The following FLNB variants were observed in gnomAD, a reference collection of about 807,000 sequenced individuals.
FLNB encodes the protein filamin-B.
Under a neutral mutation model 250.6 loss-of-function variants are expected in FLNB, and 111 were observed. That is an observed-to-expected ratio of 0.44 (90% CI 0.38 to 0.52). The LOEUF is 0.52. FLNB is among the 20% of genes least tolerant of loss of function. FLNB has a pLI of 0.00. For synonymous variants in FLNB, 1,302 were observed against 1,372.1 expected (o/e 0.95, Z 1.13); for missense variants, 2,869 against 3,447.8 (o/e 0.83, Z 4.20).
intron 4 of FLNB, among the ~76,000 whole-genome samples, chr3:58,091,368 G>C (rs1329949390): frequency 6.6e-6 from 1 of 152,160 alleles, no homozygotes; most frequent in East Asian, 1.9e-4. Flanking sequence ...CAGTGAAACA[G>C]AATTGCAGCC....
chr3:58,135,766 A>G (rs2097314847), intron 27 of FLNB, among the ~76,000 whole-genome samples: 2 of 152,194 alleles, frequency 1.3e-5, no homozygotes, highest in African/African-American at 4.8e-5. Context: ...TGACAACAAA[A>G]TTACTAAAAA....
intron 2 of FLNB, chr3:58,078,147 G>A (rs2097204294): frequency 2.0e-6 from 1 of 507,454 alleles, no homozygotes; most frequent in Non-Finnish European, 2.5e-6. Flanking sequence ...GTGTCATCCA[G>A]GAAAAATTCA....
chr3:58,106,142 G>T (rs2097259137), intron 11 of FLNB, among the ~76,000 whole-genome samples: 1 of 152,020 alleles, frequency 6.6e-6, no homozygotes. Context: ...AGGCTCTTCA[G>T]TTATTTCCAG....
chr3:58,062,993 G>C (rs1299505693), intron 1 of FLNB, among the ~76,000 whole-genome samples: 4 of 152,200 alleles, frequency 2.6e-5, no homozygotes, highest in Admixed American at 2.6e-4. Flanking sequence ...AGTGCTGCTT[G>C]CTTGCTTTAC....
In FLNB at chr3:58,163,314, C is replaced by T. The variant is rs113513946; in HGVS notation, c.7182C>T (p.Leu2394=). 2.0e-5 allele frequency: 33 copies of T among 1,614,144 alleles called. No homozygotes were observed. In the South Asian group the frequency reaches 2.9e-4, roughly 14 times the overall value. ...PALVSAYGTG[L]EGGTTGIQSE... ...TGGTGTCCGCCTATGGCACGGGACTCGAAGGGGGCACCACAGGTAACCCAC... is the reference window on the plus strand; with the variant it reads ...TGGTGTCCGCCTATGGCACGGGACTTGAAGGGGGCACCACAGGTAACCCAC... The change falls in exon 43 of 46, where the codon CTC becomes CTT. Residue 2394 remains leucine, a synonymous_variant. Coordinates refer to ENST00000295956, the MANE Select transcript of FLNB (RefSeq NM_001457.4).
intron 4 of FLNB, among the ~76,000 whole-genome samples, chr3:58,088,863 G>A (rs959117892): frequency 5.9e-5 from 9 of 152,176 alleles, no homozygotes; most frequent in South Asian, 2.1e-4. Context: ...CCATGGAGGA[G>A]CAGTAATGAG....
chr3:58,084,325 A>T lies in FLNB; in HGVS notation c.787+2549A>T, dbSNP rs550695020. ...AAACAACCAATTAAATCCTTTGTCA[A>T]CCAGATTGGTCAAATGGACTGAATC... On this transcript the variant is annotated intron_variant, in intron 4 of 45. Coordinates refer to ENST00000295956, the MANE Select transcript of FLNB (RefSeq NM_001457.4). Among the ~76,000 whole-genome samples the T allele has an allele frequency of 6.0e-4, 92 of 152,366 alleles. 1 individual carries two copies. The highest frequency in any genetic ancestry group is 2.2e-3 in the African/African-American group (91 of 41,580).
intron 32 of FLNB, among the ~76,000 whole-genome samples, chr3:58,144,660 A>G (rs1348380719): frequency 6.6e-6 from 1 of 152,186 alleles, no homozygotes; most frequent in East Asian, 1.9e-4. Flanking sequence ...GGCATCTATG[A>G]TTTTGACAGA....
intron 2 of FLNB, 98 bp from the exon 3 acceptor site, chr3:58,078,619 T>A (rs2097204804): frequency 1.3e-6 from 2 of 1,515,642 alleles, no homozygotes; most frequent in Non-Finnish European, 1.8e-6. Context: ...AATCATTCTC[T>A]GAACTAAAAG....
intron 41 of FLNB, 46 bp downstream of exon 41, chr3:58,156,121 T>C (rs1220910923): frequency 7.0e-7 from 1 of 1,426,108 alleles, no homozygotes; most frequent in South Asian, 1.1e-5. Flanking sequence ...AGGCCACCAG[T>C]GAGACCCCTG....
intron 3 of FLNB, among the ~76,000 whole-genome samples, chr3:58,081,247 A>G (rs1014484372): frequency 2.0e-5 from 3 of 152,166 alleles, no homozygotes; most frequent in Non-Finnish European, 4.4e-5. Context: ...TAACCTGTGC[A>G]CTTTTTTGTA....
Position 58,109,585 on chromosome 3 carries a change from G to T in FLNB, c.2209G>T (p.Gly737Trp), listed in dbSNP as rs745714160. The change falls in exon 15 of 46, where the codon GGG (glycine) becomes TGG (tryptophan). Residue 737 changes from glycine to tryptophan, a missense_variant. Physicochemically the swap from Gly to Trp is radical, Grantham distance 184 (BLOSUM62 -2). Coordinates refer to ENST00000295956, the MANE Select transcript of FLNB (RefSeq NM_001457.4). The part of the protein sequence containing the change: ...IPHSPYRVNI[G>W]QGSHPQKVKV... The stretch of plus-strand genomic sequence containing the variant: ...TCCATGTCTTCTCTAGGTCAACATC[G>T]GGCAAGGTAGCCATCCTCAGAAGGT... 6.2e-7 allele frequency: 1 copy of T among 1,614,176 alleles called. No homozygotes were observed. The highest frequency in any genetic ancestry group is 8.5e-7 in the Non-Finnish European group (1 of 1,180,032).
chr3:58,167,796 TC>T (rs1253335954), intron 43 of FLNB, among the ~76,000 whole-genome samples: 1 of 152,214 alleles, frequency 6.6e-6, no homozygotes, highest in East Asian at 1.9e-4. Flanking sequence ...CGGAAAGGAT[TC>T]CATACCACAT....
chr3:58,123,005 C>G, intron 20 of FLNB, 88 bp from the exon 21 acceptor site: 5 of 1,234,020 alleles, frequency 4.1e-6, no homozygotes, highest in Non-Finnish European at 6.0e-6. Flanking sequence ...AGATGCACTT[C>G]CATGCTGATT....
chr3:58,148,703 A>G lies in FLNB; in HGVS notation c.5942A>G (p.Asn1981Ser). ...GAACATCTGGTCAGCATCAAGAAAA[A>G]TGGCAACCATGTGGCCAACAGCCCC... ...VGEHLVSIKKNGNHVANSPVS... is the reference protein window; with the variant it reads ...VGEHLVSIKKSGNHVANSPVS... The change falls in exon 36 of 46, where the codon AAT (asparagine) becomes AGT (serine). Residue 1981 changes from asparagine (N) to serine (S), a missense_variant. Physicochemically the swap from Asn to Ser is conservative, Grantham distance 46 (BLOSUM62 1). This residue lies in a region of FLNB where 1,084 missense variants were observed against 1,315.5 expected (regional missense o/e 0.82). Coordinates refer to ENST00000295956, the MANE Select transcript of FLNB (RefSeq NM_001457.4). 1 of 1,614,030 alleles carries G rather than the reference A, an allele frequency of 6.2e-7. No homozygotes were observed. The highest frequency in any genetic ancestry group is 2.2e-5 in the East Asian group (1 of 44,864).
At position 58,078,785 on chromosome 3, in the gene FLNB, C is replaced by G; in HGVS notation, c.610C>G (p.Gln204Glu). ...GGATAATGCACGAGAAGCCATGCAG[C>G]AGGCAGATGACTGGCTGGGTGTCCC... is the stretch of plus-strand genomic sequence containing the variant. ...PVDNAREAMQ[Q>E]ADDWLGVPQV... The change falls in exon 3 of 46, where the codon CAG (glutamine) becomes GAG (glutamate). Residue 204 changes from glutamine to glutamate, a missense_variant. Gln to Glu is a conservative substitution (Grantham distance 29). Coordinates refer to ENST00000295956, the MANE Select transcript of FLNB (RefSeq NM_001457.4). 1 of 1,613,670 alleles carries G rather than the reference C, an allele frequency of 6.2e-7. No individual in the cohort carries two copies. Among genetic ancestry groups the G allele is most frequent in the Non-Finnish European group, 8.5e-7 (1 of 1,179,852 alleles).
At chr3:58,106,609 G>A in intron 11 of FLNB, 71 bp from the exon 12 acceptor site, 1 of 1,421,722 alleles carries the variant, frequency 7.0e-7, no homozygotes, top group Non-Finnish European at 9.9e-7. Flanking sequence ...CAGCGGGAAT[G>A]AGCTGTCGTA....
At chr3:58,083,711 A>G (rs1340223152) in intron 4 of FLNB, among the ~76,000 whole-genome samples, 1 of 152,054 alleles carries the variant, frequency 6.6e-6, no homozygotes, top group African/African-American at 2.4e-5. Context: ...GAGTCTTCTC[A>G]TCTGACTTTT....
intron 1 of FLNB, among the ~76,000 whole-genome samples, chr3:58,067,585 G>GT (rs1182429275): frequency 7.7e-5 from 7 of 90,626 alleles, no homozygotes; most frequent in Non-Finnish European, 1.6e-4. Context: ...TTTTTTGTTT[G>GT]TTTTTTTGTT....
Sources: gnomAD v4.1 joint callset for allele counts (sites outside exome capture counted in the v4.1 genomes callset) on GRCh38, gnomAD v4.1.1 for gene constraint, gnomAD v4.1.1 regional missense constraint, MANE v1.5 for transcripts, NCBI Gene and HGNC (gene_info 2026-07-23, HGNC 2026-07-21) for gene names.